IGF2BP2: variants seen among roughly 807,000 people sequenced by gnomAD.
IGF2BP2 encodes insulin like growth factor 2 mRNA binding protein 2, also known as insulin-like growth factor 2 mRNA-binding protein 2.
Under a neutral mutation model 75.8 loss-of-function variants are expected in IGF2BP2, and 17 were observed. The observed-to-expected ratio is 0.22, with a 90% CI of 0.15 to 0.34. IGF2BP2 has a LOEUF of 0.34. Ranked by LOEUF, IGF2BP2 falls within the 10% of genes least tolerant of loss-of-function variation. The pLI is 1.00. For missense variants in IGF2BP2, 516 were observed against 772.4 expected, an observed-to-expected ratio of 0.67 and a Z score of 3.93; for synonymous variants, 288 against 295.6, an observed-to-expected ratio of 0.97 and a Z score of 0.26.
In IGF2BP2 at chr3:185,649,483, T is replaced by TG. The variant is rs1714192531; in HGVS notation, c.1512dup (p.Lys505GlnfsTer44). The TG allele has an allele frequency of 6.2e-7, 1 of 1,614,036 alleles. No homozygotes were observed. Among genetic ancestry groups the TG allele is most frequent in the African/African-American group, 1.3e-5 (1 of 74,918 alleles). On this transcript the variant is annotated frameshift_variant, in exon 14 of 16. Transcript: ENST00000382199. LOFTEE classifies it high-confidence loss of function. ...TGCGCTTCCAGCTTCACTTCTTCTT[T>TG]GGGGTTAAAGAAGTTTTCCTCTTTC...
At position 185,652,766 on chromosome 3, in the gene IGF2BP2, TCCTCCCCTCGCTGTG is replaced by T. The variant is rs765088160; in HGVS notation, c.1387-613_1387-599del. Among the ~76,000 whole-genome samples, 41 of 152,048 alleles carry T rather than the reference TCCTCCCCTCGCTGTG, an allele frequency of 2.7e-4. 1 individual carries two copies. The highest frequency in any genetic ancestry group is 8.8e-5 in the Non-Finnish European group (6 of 68,008). ...TGGTTCTAGTCCTGGCTCTGAAAAT[TCCTCCCCTCGCTGTG>T]CCTCCATTCCCTCATCTGTGAAACA... On this transcript the variant is annotated intron_variant, in intron 12 of 15. Coordinates refer to ENST00000382199, the MANE Select transcript of IGF2BP2 (RefSeq NM_006548.6).
chr3:185,765,854 T>TG (rs1264541310), intron 2 of IGF2BP2, among the ~76,000 whole-genome samples: 2 of 152,216 alleles, frequency 1.3e-5, no homozygotes, highest in Non-Finnish European at 2.9e-5. Flanking sequence ...AACAAGATTT[T>TG]GGGGGGAAAA....
At chr3:185,674,300 GC>G (rs1307388517) in intron 9 of IGF2BP2, among the ~76,000 whole-genome samples, 1 of 152,190 alleles carries the variant, frequency 6.6e-6, no homozygotes, top group Non-Finnish European at 1.5e-5. Context: ...GTTGATAACT[GC>G]AAAAGGTGGA....
At chr3:185,761,960 T>C (rs1732427097) in intron 2 of IGF2BP2, among the ~76,000 whole-genome samples, 1 of 152,226 alleles carries the variant, frequency 6.6e-6, no homozygotes. Flanking sequence ...CGAATTTCCT[T>C]TCCCATGTGA....
chr3:185,821,499 A>T (rs1331813563), intron 2 of IGF2BP2, among the ~76,000 whole-genome samples: 1 of 152,252 alleles, frequency 6.6e-6, no homozygotes, highest in Non-Finnish European at 1.5e-5. Flanking sequence ...AAGAAAAAAG[A>T]TAAAAAGTAG....
In IGF2BP2 at chr3:185,695,066, G is replaced by A. The variant is rs144901821; in HGVS notation, c.340+1546C>T. 2.6e-3 allele frequency among the ~76,000 whole-genome samples: 395 copies of A among 151,998 alleles called. 2 individuals carry two copies. The highest frequency in any genetic ancestry group is 9.1e-3 in the African/African-American group (376 of 41,438). On this transcript the variant is annotated intron_variant, in intron 4 of 15. Transcript: ENST00000382199. ...CATGCTCCTGCACTCCAGCCTGGGC[G>A]ACAGAGTGAGACTCCGCCTCAAAAA...
intron 2 of IGF2BP2, among the ~76,000 whole-genome samples, chr3:185,705,271 A>G (rs1723862584): frequency 1.3e-5 from 2 of 152,078 alleles, no homozygotes; most frequent in South Asian, 2.1e-4. Context: ...TAATTTTTGT[A>G]TTTTTAGTAG....
intron 2 of IGF2BP2, among the ~76,000 whole-genome samples, chr3:185,766,428 CT>C (rs959634179): frequency 6.6e-6 from 1 of 151,876 alleles, no homozygotes; most frequent in Non-Finnish European, 1.5e-5. Context: ...ATGTTTTTCC[CT>C]TTTTTTAAAT....
At chr3:185,703,791 G>A (rs1258793046) in intron 2 of IGF2BP2, among the ~76,000 whole-genome samples, 1 of 151,958 alleles carries the variant, frequency 6.6e-6, no homozygotes, top group Non-Finnish European at 1.5e-5. Flanking sequence ...GAAAGAAAGA[G>A]AGAAAGAAAG....
intron 2 of IGF2BP2, among the ~76,000 whole-genome samples, chr3:185,792,367 G>A (rs1002895432): frequency 6.6e-6 from 1 of 152,190 alleles, no homozygotes; most frequent in Non-Finnish European, 1.5e-5. Flanking sequence ...AACTTTGGGA[G>A]GCTGAGGCAA....
At chr3:185,663,553 G>A (rs1447827207) in intron 10 of IGF2BP2, among the ~76,000 whole-genome samples, 3 of 152,188 alleles carry the variant, frequency 2.0e-5, no homozygotes, top group Non-Finnish European at 4.4e-5. Context: ...GAGAACTGCA[G>A]GGTTCAAGCT....
chr3:185,771,356 A>G lies in IGF2BP2; in HGVS notation c.239+51797T>C, dbSNP rs533827731. On this transcript the variant is annotated intron_variant, in intron 2 of 15. Transcript: ENST00000382199. ...CTTGGGTGGCTGAGGCAGGAGAATC[A>G]CGTGAACCTGGGAGGTGGAGTTGCA... Among the ~76,000 whole-genome samples the G allele has an allele frequency of 4.4e-4, 18 of 41,020 alleles. No homozygotes were observed. The South Asian group carries it at 0.013, about 30-fold the overall frequency. 26.9% of individuals were successfully genotyped at this position (41,020 alleles called of 152,430 possible). A position where few individuals can be genotyped will look rare whatever the true frequency, so the allele number is the denominator to read the frequency against.
At chr3:185,716,655 G>A (rs77587335) in intron 2 of IGF2BP2, 25,877 of 519,992 alleles carry the variant, frequency 0.05, 727 homozygotes, top group Non-Finnish European at 0.053. Context: ...CAGCTGTCTT[G>A]GGCTCCCTGA....
intron 10 of IGF2BP2, among the ~76,000 whole-genome samples, chr3:185,671,615 T>C (rs1272240113): frequency 1.3e-5 from 2 of 151,888 alleles, no homozygotes; most frequent in Non-Finnish European, 1.5e-5. Flanking sequence ...TGTGTGCATA[T>C]ATGTGACTCA....
At chr3:185,733,864 C>G (rs896891574) in intron 2 of IGF2BP2, among the ~76,000 whole-genome samples, 1 of 152,046 alleles carries the variant, frequency 6.6e-6, no homozygotes, top group African/African-American at 2.4e-5. Flanking sequence ...AAAAGTTTAG[C>G]AAGTCTCTCT....
chr3:185,698,362 C>T lies in IGF2BP2; in HGVS notation c.240-15G>A, dbSNP rs368060127. The T allele has an allele frequency of 2.7e-5, 44 of 1,612,090 alleles. No homozygotes were observed. The highest frequency in any genetic ancestry group is 3.6e-5 in the Non-Finnish European group (42 of 1,178,296). On this transcript the variant is annotated splice_polypyrimidine_tract_variant and intron_variant, in intron 2 of 15. Transcript: ENST00000382199. ...TTTTCCTGCTCCTGTAAAGATAAAA[C>T]CACAGACTATAACACTTTCTCCAGG...
Position 185,643,886 on chromosome 3 carries a change from T to C in IGF2BP2, c.*1645A>G, listed in dbSNP as rs1713072550. On this transcript the variant is annotated 3_prime_UTR_variant, in exon 16 of 16. Coordinates refer to ENST00000382199, the MANE Select transcript of IGF2BP2 (RefSeq NM_006548.6). The stretch of plus-strand genomic sequence containing the variant: ...GTCCACATAAACCAGTACATGTTCA[T>C]CCTTTAGCGCAAAAAGCCCTAATGG... 1.4e-5 allele frequency: 2 copies of C among 147,556 alleles called. No homozygotes were observed. Among genetic ancestry groups the C allele is most frequent in the Non-Finnish European group, 3.0e-5 (2 of 66,802 alleles). The allele number at this position is 147,556 out of a possible 1,614,324, so 9.1% of individuals were successfully genotyped here.
intron 2 of IGF2BP2, among the ~76,000 whole-genome samples, chr3:185,806,941 T>C (rs953485008): frequency 1.3e-5 from 2 of 152,212 alleles, no homozygotes; most frequent in Non-Finnish European, 2.9e-5. Flanking sequence ...ATATTTGGTA[T>C]AGTAAATGGC....
chr3:185,668,427 A>C (rs1288734561), intron 10 of IGF2BP2, among the ~76,000 whole-genome samples: 1 of 151,086 alleles, frequency 6.6e-6, no homozygotes, highest in Non-Finnish European at 1.5e-5. Context: ...AAATTTGGAT[A>C]AAAGAAGAAA....
Sources: allele counts gnomAD v4.1 joint callset (sites outside exome capture counted in the v4.1 genomes callset), GRCh38; gene constraint gnomAD v4.1.1; transcripts MANE v1.5; gene names NCBI Gene and HGNC (gene_info 2026-07-23, HGNC 2026-07-21).